UBR2: variants seen among roughly 807,000 people sequenced by gnomAD.
UBR2 encodes the protein ubiquitin protein ligase E3 component n-recognin 2.
Under a neutral mutation model 247.9 loss-of-function variants are expected in UBR2, and 92 were observed. That is an observed-to-expected ratio of 0.37 (90% CI 0.31 to 0.44). The LOEUF (loss-of-function observed/expected upper bound fraction) is 0.44, where lower values mean the gene tolerates loss of function less well. Among genes scored for constraint, UBR2 ranks in the 20% least tolerant of loss-of-function variants. The pLI is 1.00. For missense variants in UBR2, 1,613 were observed against 2,112.6 expected (o/e 0.76, Z 4.64); for synonymous variants, 672 against 693.5 (o/e 0.97, Z 0.49).
At chr6:42,677,398 T>C (rs555693797) in intron 40 of UBR2, among the ~76,000 whole-genome samples, 6 of 152,290 alleles carry the variant, frequency 3.9e-5, no homozygotes, top group Admixed American at 2.6e-4. Context: ...CCTATAAAAA[T>C]GTCTGTTTTT....
intron 2 of UBR2, among the ~76,000 whole-genome samples, chr6:42,583,438 G>T (rs1792041434): frequency 6.6e-6 from 1 of 151,678 alleles, no homozygotes; most frequent in East Asian, 1.9e-4. Flanking sequence ...GTAGAGGTGG[G>T]GTTTCCCCAT....
intron 26 of UBR2, 122 bp downstream of exon 26, chr6:42,655,845 A>G (rs1020527148): frequency 1.3e-5 from 7 of 549,634 alleles, no homozygotes; most frequent in African/African-American, 2.0e-5. Context: ...CAAACATTTG[A>G]GGCTATATGT....
In UBR2 at chr6:42,692,861, G is replaced by A. The variant is rs993796089; in HGVS notation, c.*1688G>A. 1 of 152,196 alleles carries A rather than the reference G, an allele frequency of 6.6e-6. No individual in the cohort carries two copies. Among genetic ancestry groups the A allele is most frequent in the Non-Finnish European group, 1.5e-5 (1 of 68,042 alleles). The allele number at this position is 152,196 out of a possible 1,614,324, so 9.4% of individuals were successfully genotyped here. A position where few individuals can be genotyped will look rare whatever the true frequency, so the allele number is the denominator to read the frequency against. ...TGGGACTGACTCACCCAGCTGAGAGGAGGACCAATAGAAAGAAAATTCACA... is the reference window on the plus strand; with the variant it reads ...TGGGACTGACTCACCCAGCTGAGAGAAGGACCAATAGAAAGAAAATTCACA... On this transcript the variant is annotated 3_prime_UTR_variant, in exon 47 of 47. Transcript: ENST00000372901.
chr6:42,665,641 C>A (rs1340277193), intron 33 of UBR2, 129 bp downstream of exon 33: 1 of 687,048 alleles, frequency 1.5e-6, no homozygotes. Context: ...TTTTCCTTGT[C>A]TTAATAAACT....
At chr6:42,624,579 C>CT (rs1179897877) in intron 11 of UBR2, among the ~76,000 whole-genome samples, 1 of 152,130 alleles carries the variant, frequency 6.6e-6, no homozygotes, top group Non-Finnish European at 1.5e-5. Flanking sequence ...ACATGGGAGA[C>CT]AGAGTTTTTA....
intron 2 of UBR2, among the ~76,000 whole-genome samples, chr6:42,576,704 A>C (rs561810238): frequency 2.0e-5 from 3 of 151,804 alleles, no homozygotes; most frequent in Admixed American, 1.3e-4. Context: ...TATTTTTAGT[A>C]GGGATGGGGT....
At chr6:42,674,622 C>T (rs1325603464) in intron 38 of UBR2, among the ~76,000 whole-genome samples, 1 of 151,978 alleles carries the variant, frequency 6.6e-6, no homozygotes, top group East Asian at 1.9e-4. Context: ...ATTAGCTGGG[C>T]GTGGTGGCAC....
At chr6:42,638,393 A>ATTATC (rs1420681520) in intron 15 of UBR2, among the ~76,000 whole-genome samples, 5 of 152,078 alleles carry the variant, frequency 3.3e-5, no homozygotes. Context: ...GACCTATCAC[A>ATTATC]TTATCCCACT....
intron 30 of UBR2, among the ~76,000 whole-genome samples, chr6:42,660,302 G>A (rs1325654367): frequency 6.6e-6 from 1 of 152,168 alleles, no homozygotes; most frequent in Admixed American, 6.5e-5. Flanking sequence ...TACCACCACA[G>A]ATCGGGTTCC....
In UBR2 at chr6:42,672,969, G is replaced by T. The variant is rs1443244580; in HGVS notation, c.4087-822G>T. ...TGGAAAATGAAAAAACAAGCAGGAA[G>T]AAAAAAGTCATCAACTTATCACATA... is the stretch of plus-strand genomic sequence containing the variant. On this transcript the variant is annotated intron_variant, in intron 36 of 46. Transcript: ENST00000372901. Among the ~76,000 whole-genome samples, 4 of 152,170 alleles carry T rather than the reference G, an allele frequency of 2.6e-5. No individual in the cohort carries two copies. The East Asian group carries it at 7.7e-4, about 29-fold the overall frequency.
intron 43 of UBR2, among the ~76,000 whole-genome samples, chr6:42,683,605 T>A (rs1799182585): frequency 6.6e-6 from 1 of 152,230 alleles, no homozygotes; most frequent in African/African-American, 2.4e-5. Context: ...AAGATGTGTC[T>A]CAATTGTTAC....
intron 11 of UBR2, among the ~76,000 whole-genome samples, chr6:42,627,622 T>C (rs1399800574): frequency 6.6e-6 from 1 of 152,046 alleles, no homozygotes; most frequent in Non-Finnish European, 1.5e-5. Context: ...CTCAGTTTCC[T>C]GAGTAGCTGG....
intron 11 of UBR2, among the ~76,000 whole-genome samples, chr6:42,624,345 G>T (rs1795201052): frequency 6.6e-6 from 1 of 150,650 alleles, no homozygotes; most frequent in African/African-American, 2.4e-5. Flanking sequence ...GGTGGGGGGG[G>T]TGTTGCTTTG....
At chr6:42,593,546 A>G (rs1417281235) in intron 3 of UBR2, among the ~76,000 whole-genome samples, 3 of 152,176 alleles carry the variant, frequency 2.0e-5, no homozygotes, top group East Asian at 1.9e-4. Flanking sequence ...TAGTCTACCA[A>G]TTATTAATTC....
chr6:42,585,060 A>G (rs1792168303), intron 2 of UBR2, among the ~76,000 whole-genome samples: 1 of 152,158 alleles, frequency 6.6e-6, no homozygotes, highest in South Asian at 2.1e-4. Context: ...TTTCACTATT[A>G]AATATGATGT....
Position 42,635,364 on chromosome 6 carries a change from A to G in UBR2, c.1546-54A>G, listed in dbSNP as rs983728085. 3 of 1,547,746 alleles carry G rather than the reference A, an allele frequency of 1.9e-6. No individual in the cohort carries two copies. In the African/African-American group the frequency reaches 4.1e-5, roughly 21 times the overall value. ...CCTACATTACTTCTTAGGTTTCCAT[A>G]TAAAAGAACAACTATTATTTTCATT... On this transcript the variant is annotated intron_variant, in intron 13 of 46. Transcript: ENST00000372901.
chr6:42,596,588 A>G (rs1042805710), intron 4 of UBR2, among the ~76,000 whole-genome samples: 2 of 152,220 alleles, frequency 1.3e-5, no homozygotes, highest in African/African-American at 4.8e-5. Context: ...CCAAATGTCC[A>G]TCAGTGAATG....
At position 42,693,068 on chromosome 6, in the gene UBR2, G is replaced by C. The variant is rs937545715; in HGVS notation, c.*1895G>C. On this transcript the variant is annotated 3_prime_UTR_variant, in exon 47 of 47. Transcript: ENST00000372901. ...ACCAAGCTAAAATTTAAAATAATAA[G>C]ACCAGGTTTCTCTCTGTACAAGTGG... 1 of 151,918 alleles carries C rather than the reference G, an allele frequency of 6.6e-6. No homozygotes were observed. The highest frequency in any genetic ancestry group is 1.5e-5 in the Non-Finnish European group (1 of 67,980). 9.4% of individuals were successfully genotyped at this position (151,918 alleles called of 1,614,324 possible).
At chr6:42,631,863 TATA>T (rs1562332937) in intron 11 of UBR2, among the ~76,000 whole-genome samples, 22 of 89,816 alleles carry the variant, frequency 2.4e-4, no homozygotes, top group Admixed American at 7.1e-4. Flanking sequence ...TCTGATTTTA[TATA>T]TATATATATA....
Sources: gnomAD v4.1 joint callset for allele counts (sites outside exome capture counted in the v4.1 genomes callset) on GRCh38, gnomAD v4.1.1 for gene constraint, MANE v1.5 for transcripts, NCBI Gene and HGNC (gene_info 2026-07-23, HGNC 2026-07-21) for gene names.